The following AP2B1 variants were observed in gnomAD, a reference collection of about 807,000 sequenced individuals.
The protein encoded by AP2B1 is AP-2 complex subunit beta.
Under a neutral mutation model 102.0 loss-of-function variants are expected in AP2B1, and 23 were observed. That is an observed-to-expected ratio of 0.23 (90% CI 0.16 to 0.32). AP2B1 has a LOEUF of 0.32. AP2B1 is among the 10% of genes least tolerant of loss of function. AP2B1 has a pLI of 1.00. For synonymous variants in AP2B1, 381 were observed against 421.2 expected (o/e 0.90, Z 1.17); for missense variants, 541 against 1,157.4 (o/e 0.47, Z 7.73).
intron 6 of AP2B1, among the ~76,000 whole-genome samples, chr17:35,624,847 A>G (rs773087014): frequency 6.6e-6 from 1 of 152,128 alleles, no homozygotes; most frequent in African/African-American, 2.4e-5. Flanking sequence ...TCCCATGCAC[A>G]GTTCTTGGCC....
Position 35,597,202 on chromosome 17 carries a change from A to G in AP2B1, c.38-1028A>G, listed in dbSNP as rs187124386. 6.2e-5 allele frequency: 27 copies of G among 434,100 alleles called. 1 individual carries two copies. Among genetic ancestry groups the G allele is most frequent in the African/African-American group, 5.3e-4 (26 of 49,232 alleles). The allele number at this position is 434,100 out of a possible 1,614,324, so 26.9% of individuals were successfully genotyped here. ...ACGACAGGAACAGTCTTGAAGGTGGAGGAAAGTCTTTTGAGGCAGTATGGT... is the reference window on the plus strand; with the variant it reads ...ACGACAGGAACAGTCTTGAAGGTGGGGGAAAGTCTTTTGAGGCAGTATGGT... On this transcript the variant is annotated intron_variant, in intron 2 of 21. Transcript: ENST00000610402.
At chr17:35,650,060 C>G (rs1207082335) in intron 12 of AP2B1, among the ~76,000 whole-genome samples, 2 of 152,066 alleles carry the variant, frequency 1.3e-5, no homozygotes, top group African/African-American at 4.8e-5. Context: ...AGCTATTCTC[C>G]TGCCTCAGCC....
intron 9 of AP2B1, among the ~76,000 whole-genome samples, chr17:35,629,541 G>GT (rs1053402269): frequency 1.3e-5 from 2 of 151,970 alleles, no homozygotes; most frequent in African/African-American, 4.8e-5. Flanking sequence ...TGAATGATTC[G>GT]TTTTTTTGTT....
intron 1 of AP2B1, among the ~76,000 whole-genome samples, chr17:35,591,879 T>G (rs1229712637): frequency 6.6e-6 from 1 of 152,208 alleles, no homozygotes; most frequent in Non-Finnish European, 1.5e-5. Context: ...TTATAACAAG[T>G]ATTAAAGGAG....
At chr17:35,634,806 C>T (rs1283158467) in intron 9 of AP2B1, among the ~76,000 whole-genome samples, 2 of 152,108 alleles carry the variant, frequency 1.3e-5, no homozygotes, top group Non-Finnish European at 2.9e-5. Flanking sequence ...CAAAATTTGG[C>T]GATTTCATTT....
In AP2B1 at chr17:35,614,085, A is replaced by G. The variant is rs146764273; in HGVS notation, c.525+5698A>G. Among the ~76,000 whole-genome samples, 339 of 152,312 alleles carry G rather than the reference A, an allele frequency of 2.2e-3. 1 individual carries two copies. The highest frequency in any genetic ancestry group is 8.0e-3 in the African/African-American group (331 of 41,572). ...TTCTTTTTTGCTCTCAGAGGCATTT[A>G]GGGGTATTCAAACCTCAGTTAACTT... On this transcript the variant is annotated intron_variant, in intron 5 of 21. Coordinates refer to ENST00000610402, the MANE Select transcript of AP2B1 (RefSeq NM_001030006.2).
chr17:35,648,375 G>C (rs1456482793), intron 12 of AP2B1, among the ~76,000 whole-genome samples: 1 of 152,052 alleles, frequency 6.6e-6, no homozygotes, highest in Admixed American at 6.6e-5. Flanking sequence ...AATTAGCTGG[G>C]TGTGGTGGTG....
chr17:35,616,414 C>G (rs1303095473), intron 5 of AP2B1, among the ~76,000 whole-genome samples: 1 of 151,838 alleles, frequency 6.6e-6, no homozygotes, highest in Non-Finnish European at 1.5e-5. Context: ...GTGATCCGCC[C>G]GCCTCGGCCT....
chr17:35,635,438 G>A (rs907224062), intron 9 of AP2B1, among the ~76,000 whole-genome samples: 2 of 152,212 alleles, frequency 1.3e-5, no homozygotes, highest in Non-Finnish European at 1.5e-5. Flanking sequence ...ACATTGGAGT[G>A]CAGTGGTGTG....
At chr17:35,657,526 T>A in intron 13 of AP2B1, 73 bp from the exon 14 acceptor site, 1 of 1,250,840 alleles carries the variant, frequency 8.0e-7, no homozygotes, top group Non-Finnish European at 1.1e-6. Flanking sequence ...TATGTTTCAC[T>A]GTTGTTGCGA....
intron 14 of AP2B1, among the ~76,000 whole-genome samples, chr17:35,662,363 G>A (rs567294148): frequency 2.5e-4 from 38 of 151,894 alleles, no homozygotes; most frequent in Non-Finnish European, 4.0e-4. Context: ...CTGAACTATC[G>A]CTTTGATGTG....
At chr17:35,682,590 C>A in intron 17 of AP2B1, 105 bp from the exon 18 acceptor site, 1 of 1,162,292 alleles carries the variant, frequency 8.6e-7, no homozygotes, top group Non-Finnish European at 1.2e-6. Context: ...GTGATTCACC[C>A]ACCTCAGCCT....
At chr17:35,648,129 A>G (rs1323961417) in intron 12 of AP2B1, among the ~76,000 whole-genome samples, 4 of 151,932 alleles carry the variant, frequency 2.6e-5, no homozygotes, top group Non-Finnish European at 5.9e-5. Flanking sequence ...TGTTGGAACA[A>G]CTCGTGCATA....
rs533409190 is a variant in AP2B1, at chr17:35,619,582, T to C, written c.526-4815T>C. Among the ~76,000 whole-genome samples the C allele has an allele frequency of 3.9e-5, 6 of 152,290 alleles. No homozygotes were observed. The East Asian group carries it at 1.2e-3, about 29-fold the overall frequency. On this transcript the variant is annotated intron_variant, in intron 5 of 21. Transcript: ENST00000610402. ...AAGGCGGAGAAAGATTTGTCTAGGA[T>C]TGAGTATGATTTTACACATCTACAT...
intron 2 of AP2B1, among the ~76,000 whole-genome samples, chr17:35,596,692 C>T (rs1467458626): frequency 6.6e-6 from 1 of 152,162 alleles, no homozygotes; most frequent in East Asian, 1.9e-4. Context: ...ACCAGCTTCA[C>T]GTCCAGCTCC....
chr17:35,659,705 A>G, intron 14 of AP2B1: 2 of 696,180 alleles, frequency 2.9e-6, no homozygotes, highest in Non-Finnish European at 3.5e-6. Context: ...TTTTTATGTA[A>G]CTCTAAATTT....
intron 5 of AP2B1, among the ~76,000 whole-genome samples, chr17:35,617,987 G>A (rs2074071455): frequency 6.7e-6 from 1 of 150,332 alleles, no homozygotes; most frequent in Non-Finnish European, 1.5e-5. Flanking sequence ...TGTAAACCTT[G>A]TTACTATGTA....
chr17:35,722,494 G>A (rs142808380), intron 21 of AP2B1, among the ~76,000 whole-genome samples: 583 of 152,224 alleles, frequency 3.8e-3, no homozygotes, highest in African/African-American at 0.013. Context: ...CTTTTGTTTG[G>A]TTTGGGGTTT....
chr17:35,691,222 TC>T (rs1748231919), intron 18 of AP2B1, among the ~76,000 whole-genome samples: 1 of 152,166 alleles, frequency 6.6e-6, no homozygotes, highest in Admixed American at 6.5e-5. Context: ...TTTATTCATG[TC>T]TTAAGATCAT....
Sources: allele counts gnomAD v4.1 joint callset (sites outside exome capture counted in the v4.1 genomes callset), GRCh38; gene constraint gnomAD v4.1.1; transcripts MANE v1.5; gene names NCBI Gene and HGNC (gene_info 2026-07-23, HGNC 2026-07-21).